KSR1: variants seen among roughly 807,000 people sequenced by gnomAD.
KSR1 encodes kinase suppressor of ras.
In KSR1, 35 loss-of-function variants were observed where a neutral mutation model predicts 92.9. That is an observed-to-expected ratio of 0.38 (90% CI 0.29 to 0.50). The LOEUF (loss-of-function observed/expected upper bound fraction) is 0.50, where lower values mean the gene tolerates loss of function less well. Among genes scored for constraint, KSR1 ranks in the 20% least tolerant of loss-of-function variants. The pLI is 0.94. For missense variants in KSR1, 972 were observed against 1,158.5 expected (o/e 0.84, Z 2.34); for synonymous variants, 467 against 472.6 (o/e 0.99, Z 0.15).
At chr17:27,502,551 C>T (rs770333650) in intron 1 of KSR1, among the ~76,000 whole-genome samples, 12 of 152,368 alleles carry the variant, frequency 7.9e-5, no homozygotes, top group South Asian at 2.1e-4. Flanking sequence ...AGGCAGAGGC[C>T]GGCCTCAAGC....
At chr17:27,521,977 T>A (rs1316113557) in intron 1 of KSR1, among the ~76,000 whole-genome samples, 1 of 152,246 alleles carries the variant, frequency 6.6e-6, no homozygotes, top group Non-Finnish European at 1.5e-5. Flanking sequence ...TACCATTGCA[T>A]CTTTTCACAT....
At chr17:27,472,542 C>T (rs979043889) in intron 1 of KSR1, among the ~76,000 whole-genome samples, 5 of 152,348 alleles carry the variant, frequency 3.3e-5, no homozygotes, top group Admixed American at 3.3e-4. Context: ...GGCCCCGTGG[C>T]TCATGCCTGT....
At chr17:27,501,848 T>G (rs1293712752) in intron 1 of KSR1, among the ~76,000 whole-genome samples, 1 of 152,274 alleles carries the variant, frequency 6.6e-6, no homozygotes, top group Admixed American at 6.5e-5. Context: ...TGCTAAATAC[T>G]TTCCATACAT....
At chr17:27,515,604 C>T (rs1476737968) in intron 1 of KSR1, among the ~76,000 whole-genome samples, 1 of 141,532 alleles carries the variant, frequency 7.1e-6, no homozygotes, top group East Asian at 2.0e-4. Context: ...CTTGGGTCTG[C>T]TTCGTAGTTT....
chr17:27,475,012 A>G (rs1345122939), intron 1 of KSR1, among the ~76,000 whole-genome samples: 1 of 152,200 alleles, frequency 6.6e-6, no homozygotes, highest in Non-Finnish European at 1.5e-5. Context: ...TGGTGGTATA[A>G]TTTAAAGTGA....
Position 27,577,594 on chromosome 17 carries a change from C to T in KSR1, c.475C>T (p.Arg159Cys), listed in dbSNP as rs747180845. 3.8e-6 allele frequency: 6 copies of T among 1,599,748 alleles called. No individual in the cohort carries two copies. Among genetic ancestry groups the T allele is most frequent in the South Asian group, 2.2e-5 (2 of 88,956 alleles). Reference protein sequence around the residue: ...RCGASGDECGRLQYALTCLRK... With the variant: ...RCGASGDECGCLQYALTCLRK... ...TGGGGCCAGCGGGGATGAGTGTGGC[C>T]GTCTGCAGTATGCCCTCACCTGCCT... Residue 159 changes from arginine (R) to cysteine (C), a missense_variant, in exon 3 of 21, where the codon CGT (arginine) becomes TGT (cysteine). This residue lies in a region of KSR1 where 611 missense variants were observed against 668.0 expected (regional missense o/e 0.91). Coordinates refer to ENST00000644974, the MANE Select transcript of KSR1 (RefSeq NM_001394583.1). This position sits in a 1 kb window ranked among gnomAD's most constrained non-coding sequence, Gnocchi z 4.5.
chr17:27,599,333 G>A (rs567383241), intron 10 of KSR1, among the ~76,000 whole-genome samples: 4 of 152,320 alleles, frequency 2.6e-5, no homozygotes, highest in South Asian at 2.1e-4. Context: ...CGAGGTAGGC[G>A]GATCACTTGA....
intron 1 of KSR1, among the ~76,000 whole-genome samples, chr17:27,535,399 A>C (rs2070719705): frequency 6.6e-6 from 1 of 152,158 alleles, no homozygotes; most frequent in Non-Finnish European, 1.5e-5. Flanking sequence ...TGTCACTAGG[A>C]GTAATTCTGG....
rs2071731824 is a variant in KSR1, at chr17:27,559,382, C to T, written c.372+8674C>T. 6.6e-6 allele frequency among the ~76,000 whole-genome samples: 1 copy of T among 152,242 alleles called. No homozygotes were observed. Among genetic ancestry groups the T allele is most frequent in the South Asian group, 2.1e-4 (1 of 4,836 alleles). ...ATGCCTGCATGTGTTTGCCCAACCA[C>T]TAGATCTTCATCTAGAGCAGCGCTG... On this transcript the variant is annotated intron_variant, in intron 2 of 20. Transcript: ENST00000644974. The surrounding 1 kb of genome is among the most constrained non-coding windows in gnomAD (Gnocchi z 4.2).
chr17:27,502,995 T>A (rs1302982226), intron 1 of KSR1, among the ~76,000 whole-genome samples: 1 of 152,216 alleles, frequency 6.6e-6, no homozygotes, highest in Non-Finnish European at 1.5e-5. Flanking sequence ...CCATTTACCA[T>A]GTGCCTGGGC....
At chr17:27,560,406 A>T (rs761213781) in intron 2 of KSR1, 2 of 519,046 alleles carry the variant, frequency 3.9e-6, no homozygotes, top group South Asian at 2.8e-5. Flanking sequence ...GGTTCCCCTG[A>T]ATAAGCTCTT....
At chr17:27,613,636 A>G (rs1313113718) in intron 18 of KSR1, among the ~76,000 whole-genome samples, 1 of 152,186 alleles carries the variant, frequency 6.6e-6, no homozygotes, top group African/African-American at 2.4e-5. Context: ...CATCTGTTGT[A>G]AACACTTGTG....
At chr17:27,540,696 C>G (rs1471728642) in intron 1 of KSR1, among the ~76,000 whole-genome samples, 1 of 152,252 alleles carries the variant, frequency 6.6e-6, no homozygotes, top group Non-Finnish European at 1.5e-5. Context: ...CCTGCTCTGT[C>G]CCATGCCCAT....
intron 2 of KSR1, among the ~76,000 whole-genome samples, chr17:27,572,488 G>C (rs2072349065): frequency 6.6e-6 from 1 of 152,228 alleles, no homozygotes; most frequent in Non-Finnish European, 1.5e-5. Flanking sequence ...TCCCAGCCGG[G>C]TTCTCCAGAA....
At chr17:27,468,811 A>G (rs2019832568) in intron 1 of KSR1, among the ~76,000 whole-genome samples, 1 of 152,116 alleles carries the variant, frequency 6.6e-6, no homozygotes, top group African/African-American at 2.4e-5. Context: ...CCGCACCTGA[A>G]ACCTGTTCTC....
intron 6 of KSR1, 108 bp from the exon 7 acceptor site, chr17:27,590,703 G>A (rs1347186007): frequency 1.0e-6 from 1 of 991,114 alleles, no homozygotes; most frequent in African/African-American, 1.6e-5. Context: ...GGGGCTCTGG[G>A]ATGGAGCCAA....
At chr17:27,594,276 T>G (rs1257961270) in intron 9 of KSR1, among the ~76,000 whole-genome samples, 4 of 152,094 alleles carry the variant, frequency 2.6e-5, no homozygotes, top group African/African-American at 9.7e-5. Flanking sequence ...TATCATCAAC[T>G]AGTAATTATT....
chr17:27,550,569 C>T lies in KSR1; in HGVS notation c.233C>T (p.Ala78Val), dbSNP rs776835480. ...TTTTCTTTTTTGGACTTTCTGCAGG[C>T]GAAGCTGGTCCGTTACATTTGTAAG... ...LTQQEIRTLE[A>V]KLVRYICKQR... Residue 78 changes from alanine to valine, a missense_variant and splice_region_variant, in exon 2 of 21, where the codon GCG becomes GTG. Ala to Val is a moderately conservative substitution (Grantham distance 64). Transcript: ENST00000644974. 2.4e-5 allele frequency: 18 copies of T among 764,432 alleles called. 1 individual carries two copies. The highest frequency in any genetic ancestry group is 4.8e-5 in the East Asian group (2 of 41,246). The allele number at this position is 764,432 out of a possible 1,614,324, so 47.4% of individuals were successfully genotyped here. A position where few individuals can be genotyped will look rare whatever the true frequency, so the allele number is the denominator to read the frequency against.
intron 14 of KSR1, 116 bp from the exon 15 acceptor site, chr17:27,607,798 G>A (rs2073801577): frequency 2.7e-6 from 2 of 747,632 alleles, no homozygotes. Flanking sequence ...ACAGTCGAGG[G>A]GCTGGAGAGA....
Sources: gnomAD v4.1 joint callset for allele counts (sites outside exome capture counted in the v4.1 genomes callset) on GRCh38, gnomAD v4.1.1 for gene constraint, gnomAD v4.1.1 regional missense constraint, Gnocchi (gnomAD v3.1) non-coding constraint, MANE v1.5 for transcripts, NCBI Gene and HGNC (gene_info 2026-07-23, HGNC 2026-07-21) for gene names.